Variants in CWF19L2 observed in about 807,000 individuals in gnomAD.
The protein encoded by CWF19L2 is CWF19-like protein 2.
In CWF19L2, 98 loss-of-function variants were observed where a neutral mutation model predicts 111.7. The ratio of observed to expected loss-of-function variants is 0.88; its 90% CI spans 0.75 to 1.04. The LOEUF (loss-of-function observed/expected upper bound fraction) is 1.04, where lower values mean the gene tolerates loss of function less well. Among genes scored for constraint, CWF19L2 ranks in the 50% least tolerant of loss-of-function variants. CWF19L2 has a pLI of 0.00. For synonymous variants in CWF19L2, 351 were observed against 342.9 expected (o/e 1.02, Z -0.26); for missense variants, 1,101 against 1,051.4 (o/e 1.05, Z -0.65).
intron 16 of CWF19L2, among the ~76,000 whole-genome samples, chr11:107,330,499 C>T (rs983525237): frequency 6.6e-6 from 1 of 151,890 alleles, no homozygotes; most frequent in African/African-American, 2.4e-5. Context: ...TTTTTACGAG[C>T]TGGTGAAGTG....
intron 10 of CWF19L2, among the ~76,000 whole-genome samples, chr11:107,400,975 T>C (rs1860991063): frequency 6.6e-6 from 1 of 152,164 alleles, no homozygotes. Flanking sequence ...CACATGATCA[T>C]CTCAATAGAT....
intron 8 of CWF19L2, among the ~76,000 whole-genome samples, chr11:107,421,786 A>C (rs557961803): frequency 6.6e-6 from 1 of 152,234 alleles, no homozygotes; most frequent in South Asian, 2.1e-4. Context: ...TCACTTTGGA[A>C]AACAGTTTAG....
chr11:107,406,976 T>C (rs1480022738), intron 10 of CWF19L2, among the ~76,000 whole-genome samples: 1 of 152,008 alleles, frequency 6.6e-6, no homozygotes, highest in East Asian at 1.9e-4. Flanking sequence ...TTACTATTTT[T>C]GAGTAGACAA....
intron 12 of CWF19L2, among the ~76,000 whole-genome samples, chr11:107,374,196 G>T (rs1476886067): frequency 2.3e-5 from 3 of 131,318 alleles, no homozygotes; most frequent in Middle Eastern, 3.8e-3. Context: ...AAAACACTCT[G>T]CAGGATATTA....
chr11:107,404,277 G>A (rs1208598375), intron 10 of CWF19L2: 15 of 779,514 alleles, frequency 1.9e-5, no homozygotes, highest in African/African-American at 1.7e-5. Context: ...GTGAGATCTC[G>A]CCACATGCCA....
intron 12 of CWF19L2, among the ~76,000 whole-genome samples, chr11:107,371,473 A>G (rs1302642615): frequency 1.6e-5 from 2 of 125,410 alleles, no homozygotes; most frequent in Non-Finnish European, 3.3e-5. Flanking sequence ...TTATGTATTC[A>G]ATATTTAAAG....
intron 10 of CWF19L2, among the ~76,000 whole-genome samples, chr11:107,409,977 A>T (rs1861133821): frequency 6.6e-6 from 1 of 152,146 alleles, no homozygotes; most frequent in South Asian, 2.1e-4. Context: ...TAAATACTAA[A>T]TAGTTCACCC....
intron 14 of CWF19L2, among the ~76,000 whole-genome samples, chr11:107,338,263 T>C (rs1269352416): frequency 1.3e-5 from 2 of 152,088 alleles, no homozygotes; most frequent in East Asian, 3.9e-4. Flanking sequence ...ACAGTCACAG[T>C]CATTCCACAC....
At chr11:107,340,222 G>A (rs558609255) in intron 14 of CWF19L2, among the ~76,000 whole-genome samples, 10 of 152,080 alleles carry the variant, frequency 6.6e-5, no homozygotes, top group Non-Finnish European at 1.5e-4. Context: ...GTGTACCCAA[G>A]ATCTTGACAA....
rs770635137 is a variant in CWF19L2 at position 107,326,897 on chromosome 11, T to C, written c.*13A>G. ...CGGGATCTGAAGAAAAATTTTAAAA[T>C]GGAAGGTACACCTCAATAGTTTTTA... On this transcript the variant is annotated 3_prime_UTR_variant, in exon 18 of 18. Coordinates refer to ENST00000282251, the MANE Select transcript of CWF19L2 (RefSeq NM_152434.3). 3 of 1,563,530 alleles carry C rather than the reference T, an allele frequency of 1.9e-6. No homozygotes were observed. Among genetic ancestry groups the C allele is most frequent in the Non-Finnish European group, 2.6e-6 (3 of 1,160,098 alleles).
rs762217402 is a variant in CWF19L2, at chr11:107,433,799, C to T, written c.665-50G>A. On this transcript the variant is annotated intron_variant, in intron 6 of 17. Transcript: ENST00000282251. ...TTATACTTTTAATGTGGTTATCATA[C>T]AATTAATATGTATTGCTTCTATGAC... 17 of 764,702 alleles carry T rather than the reference C, an allele frequency of 2.2e-5. No homozygotes were observed. The South Asian group carries it at 4.1e-4, about 18-fold the overall frequency. The allele number at this position is 764,702 out of a possible 1,614,324, so 47.4% of individuals were successfully genotyped here. A position where few individuals can be genotyped will look rare whatever the true frequency, so the allele number is the denominator to read the frequency against.
intron 3 of CWF19L2, among the ~76,000 whole-genome samples, chr11:107,451,462 GA>G (rs1266440863): frequency 6.6e-6 from 1 of 151,928 alleles, no homozygotes; most frequent in Non-Finnish European, 1.5e-5. Context: ...TTAAATCAAT[GA>G]AATAGAAAAC....
intron 12 of CWF19L2, among the ~76,000 whole-genome samples, chr11:107,384,802 A>T (rs1264054053): frequency 6.6e-6 from 1 of 152,168 alleles, no homozygotes; most frequent in Non-Finnish European, 1.5e-5. Context: ...ACCTCTGTTT[A>T]ATGACTTTAA....
intron 13 of CWF19L2, among the ~76,000 whole-genome samples, chr11:107,352,119 T>C (rs932726552): frequency 2.0e-5 from 3 of 152,194 alleles, no homozygotes; most frequent in Admixed American, 6.5e-5. Flanking sequence ...GAATGAACCA[T>C]GTGGTTGTAA....
chr11:107,397,862 G>A (rs1250349791), intron 10 of CWF19L2, among the ~76,000 whole-genome samples: 2 of 151,652 alleles, frequency 1.3e-5, no homozygotes, highest in Admixed American at 6.6e-5. Context: ...AAAACCCCCC[G>A]TACCAGCCCA....
At chr11:107,347,917 A>T (rs1466860840) in intron 14 of CWF19L2, among the ~76,000 whole-genome samples, 1 of 152,174 alleles carries the variant, frequency 6.6e-6, no homozygotes, top group Non-Finnish European at 1.5e-5. Context: ...TATATGTATA[A>T]ATTTTTAAAA....
In CWF19L2 at chr11:107,429,159, T is replaced by G; in HGVS notation, c.1073A>C (p.Glu358Ala). Residue 358 changes from glutamate to alanine, a missense_variant, in exon 8 of 18, where the codon GAG (glutamate) becomes GCG (alanine). Coordinates refer to ENST00000282251, the MANE Select transcript of CWF19L2 (RefSeq NM_152434.3). ...AGCTCTCAAATTGCCAAAAGAAAAC[T>G]CTTGATTTTGCCTTGGGTTAGATTC... ...RRESNPRQNQEFSFGNLRAKF... is the reference protein window; with the variant it reads ...RRESNPRQNQAFSFGNLRAKF... 6.2e-7 allele frequency: 1 copy of G among 1,613,836 alleles called. No individual in the cohort carries two copies. Among genetic ancestry groups the G allele is most frequent in the Non-Finnish European group, 8.5e-7 (1 of 1,179,802 alleles).
rs1273005963 is a variant in CWF19L2, at chr11:107,442,792, AAGGGAGGGAGGGAGGGAGGG to A, written c.450+127_450+146del. 675 of 162,326 alleles carry A rather than the reference AAGGGAGGGAGGGAGGGAGGG, an allele frequency of 4.2e-3. 23 individuals are homozygous for A. Among genetic ancestry groups the A allele is most frequent in the South Asian group, 0.01 (136 of 13,122 alleles). 10.1% of individuals were successfully genotyped at this position (162,326 alleles called of 1,614,324 possible). A position where few individuals can be genotyped will look rare whatever the true frequency, so the allele number is the denominator to read the frequency against. ...GAAGGAAGGAAGGAAGGAAGGAAGG[AAGGGAGGGAGGGAGGGAGGG>A]AGGGAGGGGGAGGGAGGGAGAGAGG... is the stretch of plus-strand genomic sequence containing the variant. On this transcript the variant is annotated intron_variant, in intron 4 of 17. Coordinates refer to ENST00000282251, the MANE Select transcript of CWF19L2 (RefSeq NM_152434.3).
At chr11:107,419,120 G>A (rs12225955) in intron 8 of CWF19L2, among the ~76,000 whole-genome samples, 6,150 of 152,266 alleles carry the variant, frequency 0.04, 157 homozygotes, top group East Asian at 0.11. Flanking sequence ...AACTAGCCCA[G>A]AGGATTGGAG....
Sources: allele counts gnomAD v4.1 joint callset (sites outside exome capture counted in the v4.1 genomes callset), GRCh38; gene constraint gnomAD v4.1.1; transcripts MANE v1.5; gene names NCBI Gene and HGNC (gene_info 2026-07-23, HGNC 2026-07-21).